JAKMIP2: variants seen among roughly 807,000 people sequenced by gnomAD.
The protein encoded by JAKMIP2 is janus kinase and microtubule interacting protein 2.
Under a neutral mutation model 115.0 loss-of-function variants are expected in JAKMIP2, and 25 were observed. The observed-to-expected ratio is 0.22, with a 90% CI of 0.16 to 0.30. JAKMIP2 has a LOEUF of 0.30. JAKMIP2 is among the 10% of genes least tolerant of loss of function. JAKMIP2 has a pLI of 1.00. For missense variants in JAKMIP2, 642 were observed against 957.6 expected (o/e 0.67, Z 4.35); for synonymous variants, 334 against 343.6 (o/e 0.97, Z 0.31).
At position 147,760,404 on chromosome 5, in the gene JAKMIP2, G is replaced by GA. The variant is rs71001455; in HGVS notation, c.-149+22051dup. ...AGGGACAAGAGAAGAGGCAGTCAGT[G>GA]AAAAAAAAAAAAAAAATCACTCAGT... On this transcript the variant is annotated intron_variant, in intron 1 of 21. Coordinates refer to ENST00000616793, the MANE Select transcript of JAKMIP2 (RefSeq NM_001270941.2). 3.3e-3 allele frequency among the ~76,000 whole-genome samples: 444 copies of GA among 135,820 alleles called. 3 individuals carry two copies. The highest frequency in any genetic ancestry group is 0.011 in the African/African-American group (411 of 36,824). The allele number at this position is 135,820 out of a possible 152,430, so 89.1% of individuals were successfully genotyped here. A position where few individuals can be genotyped will look rare whatever the true frequency, so the allele number is the denominator to read the frequency against.
intron 9 of JAKMIP2, 24 bp downstream of exon 9, chr5:147,640,680 G>A: frequency 6.2e-7 from 1 of 1,612,264 alleles, no homozygotes; most frequent in Non-Finnish European, 8.5e-7. Flanking sequence ...TATCACCCTA[G>A]GCTAGAGAAG....
rs940720698 is a variant in JAKMIP2, at chr5:147,586,203, A to G, written c.*5504T>C. Reference sequence around the variant, plus strand: ...CAGCAGAAGCAGCAGCAGCGCAGAAAAAACCTTTCTTGAAGTCCTGCATCC... The same window carrying G: ...CAGCAGAAGCAGCAGCAGCGCAGAAGAAACCTTTCTTGAAGTCCTGCATCC... On this transcript the variant is annotated 3_prime_UTR_variant, in exon 22 of 22. Transcript: ENST00000616793. 6.6e-6 allele frequency: 1 copy of G among 152,176 alleles called. No homozygotes were observed. The highest frequency in any genetic ancestry group is 1.9e-4 in the East Asian group (1 of 5,186). The allele number at this position is 152,176 out of a possible 1,614,324, so 9.4% of individuals were successfully genotyped here. A position where few individuals can be genotyped will look rare whatever the true frequency, so the allele number is the denominator to read the frequency against.
chr5:147,775,710 A>T (rs1010496492), intron 1 of JAKMIP2, among the ~76,000 whole-genome samples: 2 of 152,318 alleles, frequency 1.3e-5, no homozygotes, highest in African/African-American at 4.8e-5. Context: ...AAGAATGAGA[A>T]TCACAGTTGA....
chr5:147,614,083 T>G (rs1250706243), intron 19 of JAKMIP2, among the ~76,000 whole-genome samples: 2 of 152,192 alleles, frequency 1.3e-5, no homozygotes, highest in Admixed American at 1.3e-4. Flanking sequence ...AAGTACTATA[T>G]GGACAAAATC....
At chr5:147,686,969 A>T (rs1448515481) in intron 1 of JAKMIP2, among the ~76,000 whole-genome samples, 3 of 152,080 alleles carry the variant, frequency 2.0e-5, no homozygotes, top group East Asian at 3.8e-4. Flanking sequence ...ATTTTTTCTT[A>T]TATATCTTAA....
chr5:147,628,838 G>C, intron 15 of JAKMIP2, 22 bp from the exon 16 acceptor site: 1 of 1,588,822 alleles, frequency 6.3e-7, no homozygotes, highest in East Asian at 2.2e-5. Context: ...AAGAAAGGCC[G>C]TCAGCTGAAC....
rs531345702 is a variant in JAKMIP2 at position 147,690,689 on chromosome 5, A to G, written c.-148-18735T>C. ...AGGGTCCATCTCACTGAGGGATCAA[A>G]AAGTCTTCCTGGATGCCTCACATGG... On this transcript the variant is annotated intron_variant, in intron 1 of 21. Transcript: ENST00000616793. Among the ~76,000 whole-genome samples, 14 of 151,946 alleles carry G rather than the reference A, an allele frequency of 9.2e-5. No individual in the cohort carries two copies. The South Asian group carries it at 1.2e-3, about 14-fold the overall frequency.
rs10053894 is a variant in JAKMIP2 at position 147,758,794 on chromosome 5, C to T, written c.-149+23662G>A. ...AAATCCCCACTAGAACATACATAAA[C>T]GTATCATATATGCATGCAAAACTAA... On this transcript the variant is annotated intron_variant, in intron 1 of 21. Coordinates refer to ENST00000616793, the MANE Select transcript of JAKMIP2 (RefSeq NM_001270941.2). Among the ~76,000 whole-genome samples the T allele has an allele frequency of 8.2e-3, 1,247 of 152,066 alleles. 11 individuals are homozygous for T. Among genetic ancestry groups the T allele is most frequent in the African/African-American group, 0.028 (1,148 of 41,474 alleles).
At chr5:147,743,030 T>C (rs1754208523) in intron 1 of JAKMIP2, among the ~76,000 whole-genome samples, 1 of 152,226 alleles carries the variant, frequency 6.6e-6, no homozygotes, top group Non-Finnish European at 1.5e-5. Context: ...TGAGAAACTT[T>C]CCAAATAGTA....
intron 1 of JAKMIP2, among the ~76,000 whole-genome samples, chr5:147,773,246 C>T (rs1687497125): frequency 1.3e-5 from 2 of 152,110 alleles, no homozygotes; most frequent in Non-Finnish European, 2.9e-5. Context: ...GAACGAAATG[C>T]TCTTCCACTG....
rs779165063 is a variant in JAKMIP2 at position 147,586,351 on chromosome 5, G to A, written c.*5356C>T. On this transcript the variant is annotated 3_prime_UTR_variant, in exon 22 of 22. Transcript: ENST00000616793. ...TGGATTTTGATCTGCCTCATTGTGG[G>A]AAGTTGCTATGGTTAATGGCTGGTA... 1.3e-5 allele frequency: 2 copies of A among 152,154 alleles called. No individual in the cohort carries two copies. Among genetic ancestry groups the A allele is most frequent in the Non-Finnish European group, 2.9e-5 (2 of 68,048 alleles). 9.4% of individuals were successfully genotyped at this position (152,154 alleles called of 1,614,324 possible). A position where few individuals can be genotyped will look rare whatever the true frequency, so the allele number is the denominator to read the frequency against.
At chr5:147,682,575 A>T (rs1455381480) in intron 1 of JAKMIP2, among the ~76,000 whole-genome samples, 1 of 152,216 alleles carries the variant, frequency 6.6e-6, no homozygotes, top group African/African-American at 2.4e-5. Context: ...TGTGTTATTC[A>T]TCTTTGTGCT....
intron 1 of JAKMIP2, among the ~76,000 whole-genome samples, chr5:147,718,956 A>G: frequency 7.4e-6 from 1 of 135,252 alleles, no homozygotes; most frequent in South Asian, 2.7e-4. Flanking sequence ...TCAATTTTGG[A>G]TCTTTCCTGC....
At chr5:147,612,722 T>C (rs1315329127) in intron 19 of JAKMIP2, among the ~76,000 whole-genome samples, 1 of 152,214 alleles carries the variant, frequency 6.6e-6, no homozygotes, top group Non-Finnish European at 1.5e-5. Context: ...CAAGTTGGAA[T>C]AAGATTTGGG....
chr5:147,644,263 T>G, intron 6 of JAKMIP2, 65 bp from the exon 7 acceptor site: 1 of 1,420,222 alleles, frequency 7.0e-7, no homozygotes, highest in South Asian at 1.6e-5. Context: ...GTTGTTAACA[T>G]AAAATATCTG....
chr5:147,599,710 G>T (rs1247438845), intron 21 of JAKMIP2, among the ~76,000 whole-genome samples: 1 of 152,136 alleles, frequency 6.6e-6, no homozygotes. Flanking sequence ...CGCCAATGTT[G>T]CTTGAAACAT....
rs113462376 is a variant in JAKMIP2, at chr5:147,779,105, A to G, written c.-149+3351T>C. ...CAAAGCATTGACTTTTCATGAACCA[A>G]AAAGAAATGTAGAAAACTGTTAGAC... On this transcript the variant is annotated intron_variant, in intron 1 of 21. Transcript: ENST00000616793. 4.3e-3 allele frequency among the ~76,000 whole-genome samples: 652 copies of G among 152,250 alleles called. 7 individuals are homozygous for G. Among genetic ancestry groups the G allele is most frequent in the African/African-American group, 0.015 (630 of 41,576 alleles).
intron 17 of JAKMIP2, among the ~76,000 whole-genome samples, chr5:147,623,058 C>T (rs2126659976): frequency 6.6e-6 from 1 of 152,142 alleles, no homozygotes; most frequent in East Asian, 1.9e-4. Context: ...GTAGCTGGGA[C>T]CACAGGCACG....
intron 1 of JAKMIP2, among the ~76,000 whole-genome samples, chr5:147,776,887 C>T (rs937124159): frequency 6.6e-6 from 1 of 152,084 alleles, no homozygotes; most frequent in Non-Finnish European, 1.5e-5. Context: ...AAGACCATGC[C>T]ACTGCATTCC....
Sources: allele counts gnomAD v4.1 joint callset (sites outside exome capture counted in the v4.1 genomes callset), GRCh38; gene constraint gnomAD v4.1.1; transcripts MANE v1.5; gene names NCBI Gene and HGNC (gene_info 2026-07-23, HGNC 2026-07-21).